The following PTPRK variants were observed in gnomAD, a reference collection of about 807,000 sequenced individuals.
The protein encoded by PTPRK is receptor-type tyrosine-protein phosphatase kappa.
Under a neutral mutation model 178.0 loss-of-function variants are expected in PTPRK, and 75 were observed. That is an observed-to-expected ratio of 0.42 (90% confidence interval 0.35 to 0.51). The LOEUF (loss-of-function observed/expected upper bound fraction) is 0.51. PTPRK is among the 20% of genes least tolerant of loss of function. PTPRK has a pLI of 0.02. For synonymous variants in PTPRK, 637 were observed against 620.6 expected, an observed-to-expected ratio of 1.03 and a Z score of -0.39; for missense variants, 1,441 against 1,797.8, an observed-to-expected ratio of 0.80 and a Z score of 3.59.
intron 3 of PTPRK, among the ~76,000 whole-genome samples, chr6:128,253,967 TGA>T (rs930307623): frequency 1.3e-5 from 2 of 152,178 alleles, no homozygotes; most frequent in African/African-American, 4.8e-5. Context: ...ATGCTAAACT[TGA>T]GTTTTCACAT....
intron 7 of PTPRK, among the ~76,000 whole-genome samples, chr6:128,128,240 A>G (rs1793681347): frequency 6.6e-6 from 1 of 152,228 alleles, no homozygotes; most frequent in Non-Finnish European, 1.5e-5. Flanking sequence ...TCAGTAATAC[A>G]TGTAATACAT....
At chr6:128,478,078 C>T (rs1481221654) in intron 1 of PTPRK, among the ~76,000 whole-genome samples, 1 of 152,068 alleles carries the variant, frequency 6.6e-6, no homozygotes. Context: ...GTATTCCTGC[C>T]TACTTGGGAA....
intron 1 of PTPRK, among the ~76,000 whole-genome samples, chr6:128,469,776 A>G (rs116959156): frequency 4.1e-4 from 62 of 152,268 alleles, no homozygotes; most frequent in African/African-American, 1.2e-3. Context: ...ACCCAATACA[A>G]TCACAAGTGT....
intron 2 of PTPRK, among the ~76,000 whole-genome samples, chr6:128,322,891 A>G (rs1829023835): frequency 6.6e-6 from 1 of 152,058 alleles, no homozygotes; most frequent in Admixed American, 6.6e-5. Context: ...AGTTCAGGGA[A>G]TGAGGACACT....
chr6:127,981,136 T>C lies in PTPRK; in HGVS notation c.3691A>G (p.Ile1231Val), dbSNP rs1228413926. 4.3e-6 allele frequency: 7 copies of C among 1,613,946 alleles called. No homozygotes were observed. The highest frequency in any genetic ancestry group is 5.9e-6 in the Non-Finnish European group (7 of 1,179,950). The change falls in exon 25 of 30, where the codon ATC becomes GTC. Residue 1231 changes from isoleucine to valine, a missense_variant. Ile to Val is a conservative substitution (Grantham distance 29, BLOSUM62 3). Around this residue, in one of 4 missense-constraint regions of PTPRK, gnomAD observed 335 missense variants for 512.4 expected, o/e 0.65. Transcript: ENST00000368226. ...ITIDGESSNY[I>V]NAALMDSYRQ... ...CTTACGTCCATAAGAGCAGCATTGA[T>C]GTAGTTACTGCTCTCCCCATCAATT...
At chr6:128,403,500 G>T (rs1006664507) in intron 1 of PTPRK, among the ~76,000 whole-genome samples, 1 of 151,894 alleles carries the variant, frequency 6.6e-6, no homozygotes. Context: ...TCCCCAGTAC[G>T]ATCAAAATAA....
chr6:128,231,935 C>T (rs951344639), intron 5 of PTPRK, among the ~76,000 whole-genome samples: 22 of 152,118 alleles, frequency 1.4e-4, no homozygotes, highest in Admixed American at 7.9e-4. Context: ...CTTAATTTGT[C>T]CTCTCCTTTG....
intron 3 of PTPRK, among the ~76,000 whole-genome samples, chr6:128,280,016 T>A (rs1243884157): frequency 6.6e-6 from 1 of 152,228 alleles, no homozygotes; most frequent in Admixed American, 6.5e-5. Flanking sequence ...TAAGGGTTTT[T>A]GATGTTTTCC....
chr6:128,210,428 C>T (rs754574268), intron 6 of PTPRK, among the ~76,000 whole-genome samples: 7 of 113,676 alleles, frequency 6.2e-5, no homozygotes, highest in Non-Finnish European at 9.9e-5. Context: ...AAAATAATTG[C>T]CATTTGGCCT....
intron 1 of PTPRK, among the ~76,000 whole-genome samples, chr6:128,421,502 C>A: frequency 6.6e-6 from 1 of 151,996 alleles, no homozygotes; most frequent in East Asian, 1.9e-4. Flanking sequence ...TGGTAATACT[C>A]CTCTGACAAA....
rs185409221 is a variant in PTPRK at position 128,356,135 on chromosome 6, T to C, written c.224-33825A>G. Among the ~76,000 whole-genome samples, 3 of 152,260 alleles carry C rather than the reference T, an allele frequency of 2.0e-5. No individual in the cohort carries two copies. The East Asian group carries it at 5.8e-4, about 29-fold the overall frequency. ...CTCTATTTGCAAGGTCTCATTTCCT[T>C]TTATCTTCTTCCAGTCCCTCTCCCC... On this transcript the variant is annotated intron_variant, in intron 2 of 29. Coordinates refer to ENST00000368226, the MANE Select transcript of PTPRK (RefSeq NM_002844.4).
chr6:128,200,035 A>G (rs1234591030), intron 6 of PTPRK, among the ~76,000 whole-genome samples: 3 of 152,346 alleles, frequency 2.0e-5, no homozygotes, highest in Admixed American at 6.5e-5. Context: ...AAAGGCATCA[A>G]GTAAACTTTT....
At chr6:128,146,353 C>T (rs894784362) in intron 7 of PTPRK, among the ~76,000 whole-genome samples, 1 of 151,220 alleles carries the variant, frequency 6.6e-6, no homozygotes, top group African/African-American at 2.4e-5. Flanking sequence ...TACTTCTTTA[C>T]CTAATTTGTT....
At chr6:128,117,945 G>A (rs965230509) in intron 7 of PTPRK, among the ~76,000 whole-genome samples, 2 of 152,006 alleles carry the variant, frequency 1.3e-5, no homozygotes, top group Admixed American at 1.3e-4. Context: ...CACTGTGCCT[G>A]GACCATGTTA....
At chr6:128,081,304 GGAT>G (rs1459835465) in intron 10 of PTPRK, among the ~76,000 whole-genome samples, 17 of 151,866 alleles carry the variant, frequency 1.1e-4, no homozygotes, top group African/African-American at 3.9e-4. Context: ...ATAATATAAT[GGAT>G]GATACTTTAA....
chr6:128,248,959 C>T (rs1378526984), intron 3 of PTPRK, among the ~76,000 whole-genome samples: 1 of 152,116 alleles, frequency 6.6e-6, no homozygotes. Context: ...TAGTGTGAAA[C>T]AGGATAAAAT....
At chr6:128,262,431 G>A (rs1331219266) in intron 3 of PTPRK, among the ~76,000 whole-genome samples, 1 of 151,972 alleles carries the variant, frequency 6.6e-6, no homozygotes. Context: ...TGGCCTTTTT[G>A]TTTTCTAGAA....
intron 1 of PTPRK, among the ~76,000 whole-genome samples, chr6:128,455,773 T>A (rs1165268811): frequency 1.3e-5 from 2 of 152,140 alleles, no homozygotes; most frequent in Admixed American, 1.3e-4. Context: ...AGAACACAAT[T>A]TCTGGTGGTA....
At chr6:128,389,423 T>TTTTG (rs1491048158) in intron 2 of PTPRK, among the ~76,000 whole-genome samples, 6 of 99,314 alleles carry the variant, frequency 6.0e-5, no homozygotes, top group South Asian at 6.9e-4. Flanking sequence ...GTTTTTTTTG[T>TTTTG]TGTGTGTGTG....
Sources: allele counts gnomAD v4.1 joint callset (sites outside exome capture counted in the v4.1 genomes callset), GRCh38; gene constraint gnomAD v4.1.1; regional missense constraint gnomAD v4.1.1; transcripts MANE v1.5; gene names NCBI Gene and HGNC (gene_info 2026-07-23, HGNC 2026-07-21).